The following LUC7L3 variants were observed in gnomAD, a reference collection of about 807,000 sequenced individuals.
LUC7L3 encodes the protein LUC7 like 3 pre-mRNA splicing factor.
A neutral mutation model predicts 66.8 loss-of-function variants in LUC7L3; 6 were observed. That is an observed-to-expected ratio of 0.09 (90% CI 0.05 to 0.18). The LOEUF (loss-of-function observed/expected upper bound fraction) is 0.18. LUC7L3 is among the 10% of genes least tolerant of loss of function. LUC7L3 has a pLI of 1.00. For synonymous variants in LUC7L3, 160 were observed against 174.7 expected, an observed-to-expected ratio of 0.92 and a Z score of 0.66; for missense variants, 341 against 531.1, an observed-to-expected ratio of 0.64 and a Z score of 3.52.
In LUC7L3 at chr17:50,751,596, A is replaced by G; in HGVS notation, c.*935A>G. ...ATTAGATATCTTTAAAGAATTTTAA[A>G]TACAATAAACACTTCATATTATTCG... On this transcript the variant is annotated 3_prime_UTR_variant, in exon 10 of 10. Transcript: ENST00000505658. 8.7e-7 allele frequency: 1 copy of G among 1,154,748 alleles called. No individual in the cohort carries two copies. The highest frequency in any genetic ancestry group is 1.1e-6 in the Non-Finnish European group (1 of 924,600). The allele number at this position is 1,154,748 out of a possible 1,614,324, so 71.5% of individuals were successfully genotyped here.
chr17:50,738,927 T>G (rs1970168756), intron 2 of LUC7L3, among the ~76,000 whole-genome samples: 1 of 151,996 alleles, frequency 6.6e-6, no homozygotes, highest in African/African-American at 2.4e-5. Context: ...GGTCACAGAA[T>G]TATGAATCAG....
chr17:50,724,564 A>T (rs2146689540), intron 1 of LUC7L3, among the ~76,000 whole-genome samples: 1 of 151,582 alleles, frequency 6.6e-6, no homozygotes, highest in African/African-American at 2.4e-5. Flanking sequence ...ATAATCACTG[A>T]AAATTATAGT....
At chr17:50,732,349 C>T (rs1378435967) in intron 1 of LUC7L3, among the ~76,000 whole-genome samples, 1 of 152,100 alleles carries the variant, frequency 6.6e-6, no homozygotes. Context: ...AGCAAATGTA[C>T]ACAGTTTAAT....
rs1969279051 is a variant in LUC7L3 at position 50,727,616 on chromosome 17, A to G, written c.99+7785A>G. ...ATACTCAGGAAAGGCCTGTCAGACA[A>G]AGTGGTCTTTAAATACATTTACCTA... On this transcript the variant is annotated intron_variant, in intron 1 of 9. Coordinates refer to ENST00000505658, the MANE Select transcript of LUC7L3 (RefSeq NM_016424.5). Among the ~76,000 whole-genome samples the G allele has an allele frequency of 2.6e-5, 4 of 152,332 alleles. No individual in the cohort carries two copies. The South Asian group carries it at 8.3e-4, about 32-fold the overall frequency.
chr17:50,743,908 TAG>T, intron 6 of LUC7L3, 98 bp downstream of exon 6: 1 of 867,412 alleles, frequency 1.2e-6, no homozygotes, highest in Non-Finnish European at 1.8e-6. Context: ...GTTCCAAACT[TAG>T]AGTCAGCACA....
intron 5 of LUC7L3, among the ~76,000 whole-genome samples, chr17:50,742,418 G>A (rs980242312): frequency 1.3e-5 from 2 of 152,080 alleles, no homozygotes; most frequent in African/African-American, 4.8e-5. Context: ...GAGTGCAGTG[G>A]TGCGATCTCA....
intron 2 of LUC7L3, among the ~76,000 whole-genome samples, chr17:50,739,633 G>A (rs373198933): frequency 1.2e-4 from 18 of 144,198 alleles, no homozygotes; most frequent in East Asian, 1.2e-3. Context: ...CGGCCTGGGC[G>A]ACAGAGCAAG....
intron 2 of LUC7L3, chr17:50,738,339 T>C (rs1327967903): frequency 4.7e-6 from 1 of 214,146 alleles, no homozygotes; most frequent in South Asian, 5.7e-5. Context: ...TTTAAAAAAT[T>C]AGTTGCTTGC....
chr17:50,722,954 A>G (rs1035236775), intron 1 of LUC7L3: 4 of 152,254 alleles, frequency 2.6e-5, no homozygotes, highest in African/African-American at 9.6e-5. Context: ...GGTTTTTTGC[A>G]CTAAGCAATT....
intron 6 of LUC7L3, among the ~76,000 whole-genome samples, chr17:50,744,060 A>C (rs142712732): frequency 6.6e-6 from 1 of 152,240 alleles, no homozygotes; most frequent in African/African-American, 2.4e-5. Flanking sequence ...TGGCTTGCCA[A>C]TCACTGCCTT....
At chr17:50,749,247 A>G (rs1349152128) in intron 9 of LUC7L3, 2 of 1,288,804 alleles carry the variant, frequency 1.6e-6, no homozygotes, top group Non-Finnish European at 2.0e-6. Flanking sequence ...TGGACTGACT[A>G]CTAGTCCTCT....
chr17:50,747,999 A>T (rs1461976696), intron 9 of LUC7L3, among the ~76,000 whole-genome samples: 1 of 152,098 alleles, frequency 6.6e-6, no homozygotes, highest in Non-Finnish European at 1.5e-5. Flanking sequence ...TGAGAGGTCA[A>T]CTCTTAAGAG....
intron 5 of LUC7L3, 113 bp downstream of exon 5, chr17:50,741,844 G>C: frequency 2.7e-6 from 2 of 733,914 alleles, no homozygotes; most frequent in East Asian, 5.9e-5. Flanking sequence ...CAGCACTTTG[G>C]GAGGCCGAGG....
intron 1 of LUC7L3, among the ~76,000 whole-genome samples, chr17:50,733,370 T>TACAGGCACCTGCCACC: frequency 6.7e-6 from 1 of 149,640 alleles, no homozygotes; most frequent in East Asian, 2.0e-4. Context: ...TGGCTGGGAC[T>TACAGGCACCTGCCACC]ACAGGCACCT....
At chr17:50,749,737 A>T (rs775784653) in intron 9 of LUC7L3, among the ~76,000 whole-genome samples, 2 of 152,188 alleles carry the variant, frequency 1.3e-5, no homozygotes, top group Non-Finnish European at 2.9e-5. Flanking sequence ...TGTTGGGGGA[A>T]TACTTGGAAC....
At position 50,754,773 on chromosome 17, in the gene LUC7L3, T is replaced by TA. The variant is rs1567884913; in HGVS notation, c.*4113dup. 1 of 152,178 alleles carries TA rather than the reference T, an allele frequency of 6.6e-6. No homozygotes were observed. The allele number at this position is 152,178 out of a possible 1,614,324, so 9.4% of individuals were successfully genotyped here. On this transcript the variant is annotated 3_prime_UTR_variant, in exon 10 of 10. Transcript: ENST00000505658. ...CTCAGATATTTTTACTCCCTCTCCT[T>TA]AGGCATTCTGGTTCCTTAAATATAG... is the stretch of plus-strand genomic sequence containing the variant.
In LUC7L3 at chr17:50,751,245, TG is replaced by T; in HGVS notation, c.*586del. 2.9e-6 allele frequency: 4 copies of T among 1,381,276 alleles called. No homozygotes were observed. Among genetic ancestry groups the T allele is most frequent in the Non-Finnish European group, 9.5e-7 (1 of 1,049,184 alleles). 85.6% of individuals were successfully genotyped at this position (1,381,276 alleles called of 1,614,324 possible). On this transcript the variant is annotated 3_prime_UTR_variant, in exon 10 of 10. Coordinates refer to ENST00000505658, the MANE Select transcript of LUC7L3 (RefSeq NM_016424.5). ...TCGAGAGCCAGTAGCATTGGATTGATGGAAGTGTAGGGTTTATGAATTATTG... is the reference window on the plus strand; with the variant it reads ...TCGAGAGCCAGTAGCATTGGATTGATGAAGTGTAGGGTTTATGAATTATTG...
intron 7 of LUC7L3, among the ~76,000 whole-genome samples, chr17:50,745,163 T>A (rs1459779339): frequency 6.6e-6 from 1 of 152,106 alleles, no homozygotes; most frequent in African/African-American, 2.4e-5. Context: ...CTGATTTTTG[T>A]ATTTTTTTTA....
intron 2 of LUC7L3, 118 bp from the exon 3 acceptor site, chr17:50,740,188 T>G (rs1224739638): frequency 6.9e-6 from 5 of 728,718 alleles, no homozygotes; most frequent in Non-Finnish European, 1.2e-5. Flanking sequence ...GTCTACAAAC[T>G]ACTCAGTGAT....
Sources: allele counts gnomAD v4.1 joint callset (sites outside exome capture counted in the v4.1 genomes callset), GRCh38; gene constraint gnomAD v4.1.1; transcripts MANE v1.5; gene names NCBI Gene and HGNC (gene_info 2026-07-23, HGNC 2026-07-21).